The following DUSP11 variants were observed in gnomAD, a reference collection of about 807,000 sequenced individuals.
DUSP11 encodes the protein dual specificity phosphatase 11.
A neutral mutation model predicts 41.4 loss-of-function variants in DUSP11; 27 were observed. That is an observed-to-expected ratio of 0.65 (90% confidence interval 0.48 to 0.90). The LOEUF (loss-of-function observed/expected upper bound fraction) is 0.90, where lower values mean the gene tolerates loss of function less well. Ranked by LOEUF, DUSP11 falls within the 40% of genes least tolerant of loss-of-function variation. DUSP11 has a pLI of 0.00. For missense variants in DUSP11, 465 were observed against 461.1 expected, an observed-to-expected ratio of 1.01 and a Z score of -0.08; for synonymous variants, 188 against 159.3, an observed-to-expected ratio of 1.18 and a Z score of -1.35.
chr2:73,780,129 T>C, exon 1 of DUSP11: 1 of 1,553,346 alleles, frequency 6.4e-7, no homozygotes, highest in Non-Finnish European at 8.7e-7. Flanking sequence ...CCACCGCCGG[T>C]CGTGATGGCG....
intron 1 of DUSP11, 91 bp from the exon 2 acceptor site, chr2:73,778,467 G>A (rs552263243): frequency 9.5e-5 from 70 of 736,062 alleles, no homozygotes; most frequent in Non-Finnish European, 1.2e-4. Flanking sequence ...ATCATAGCCC[G>A]CACAACATGT....
rs764228508 is a variant in DUSP11 at position 73,780,030 on chromosome 2, G to A, written c.86C>T (p.Ala29Val). The A allele has an allele frequency of 1.2e-4, 194 of 1,613,874 alleles. 1 individual carries two copies. The highest frequency in any genetic ancestry group is 1.5e-4 in the Non-Finnish European group (173 of 1,179,954). ...CAAGTCGGCCAAAAGCGCCAGTCCGGCGCCCTCAATGCCAGGATAAGACCC... is the reference window on the plus strand; with the variant it reads ...CAAGTCGGCCAAAAGCGCCAGTCCGACGCCCTCAATGCCAGGATAAGACCC... Residue 29 changes from alanine to valine, a missense_variant, in exon 1 of 9, where the codon GCC becomes GTC. Transcript: ENST00000272444.
chr2:73,766,684 T>A, intron 7 of DUSP11, 90 bp from the exon 8 acceptor site: 1 of 1,433,402 alleles, frequency 7.0e-7, no homozygotes, highest in South Asian at 1.3e-5. Flanking sequence ...AAAATAACAA[T>A]TTCTTCCTTC....
intron 2 of DUSP11, 94 bp downstream of exon 2, chr2:73,778,207 T>TA (rs533914328): frequency 3.7e-6 from 3 of 815,296 alleles, no homozygotes; most frequent in Non-Finnish European, 3.8e-6. Context: ...GTATTTGCTA[T>TA]AAAAAGAGAA....
intron 2 of DUSP11, among the ~76,000 whole-genome samples, chr2:73,777,926 A>C (rs1573186279): frequency 6.6e-6 from 1 of 151,950 alleles, no homozygotes; most frequent in Non-Finnish European, 1.5e-5. Context: ...TATTACAGAA[A>C]CTCCTACCAC....
At chr2:73,777,144 T>C (rs1238195956) in intron 2 of DUSP11, among the ~76,000 whole-genome samples, 1 of 151,956 alleles carries the variant, frequency 6.6e-6, no homozygotes, top group Admixed American at 6.6e-5. Flanking sequence ...CCGCGCCTGG[T>C]TAATTTTTGT....
intron 4 of DUSP11, chr2:73,773,478 T>G (rs925235610): frequency 2.6e-6 from 1 of 381,136 alleles, no homozygotes; most frequent in African/African-American, 2.2e-5. Context: ...TTTTTTAATC[T>G]TTTCTTCTAC....
chr2:73,767,223 A>G lies in DUSP11; in HGVS notation c.636-16T>C. On this transcript the variant is annotated splice_polypyrimidine_tract_variant and intron_variant, in intron 5 of 8. Coordinates refer to ENST00000272444, the Ensembl canonical transcript of DUSP11. ...AATCAAATATCTAACAAAACAACATAATTTGGGTCATTTATATACGAAAAG... is the reference window on the plus strand; with the variant it reads ...AATCAAATATCTAACAAAACAACATGATTTGGGTCATTTATATACGAAAAG... 1 of 1,605,734 alleles carries G rather than the reference A, an allele frequency of 6.2e-7. No individual in the cohort carries two copies.
At chr2:73,769,952 CT>C (rs1672539778) in intron 4 of DUSP11, among the ~76,000 whole-genome samples, 1 of 152,124 alleles carries the variant, frequency 6.6e-6, no homozygotes. Flanking sequence ...CTTAGTCCAT[CT>C]TTTTAAAAAA....
At position 73,780,047 on chromosome 2, in the gene DUSP11, A is replaced by C. The variant is rs562414734; in HGVS notation, c.69T>G (p.Tyr23Ter). ...CCAGTCCGGCGCCCTCAATGCCAGGATAAGACCCTAAACAGGAAAAGACTC... is the reference window on the plus strand; with the variant it reads ...CCAGTCCGGCGCCCTCAATGCCAGGCTAAGACCCTAAACAGGAAAAGACTC... Residue 23 changes from tyrosine (Y) to a stop codon, truncating the protein, a stop_gained, in exon 1 of 9, where the codon TAT (tyrosine) becomes TAG (stop). Transcript: ENST00000272444. LOFTEE classifies it high-confidence loss of function. 17 of 1,612,452 alleles carry C rather than the reference A, an allele frequency of 1.1e-5. No homozygotes were observed.
chr2:73,772,399 A>G (rs1415572275), intron 4 of DUSP11, among the ~76,000 whole-genome samples: 2 of 152,222 alleles, frequency 1.3e-5, no homozygotes, highest in African/African-American at 4.8e-5. Flanking sequence ...CAAGGTCCCA[A>G]GCCTGCTATG....
chr2:73,766,874 C>G, exon 7 of DUSP11: 1 of 1,613,502 alleles, frequency 6.2e-7, no homozygotes, highest in Non-Finnish European at 8.5e-7. Flanking sequence ...TTTTGTCTTT[C>G]TAAGCAATGT....
At chr2:73,775,455 T>C (rs931178291) in intron 2 of DUSP11, among the ~76,000 whole-genome samples, 6 of 148,882 alleles carry the variant, frequency 4.0e-5, no homozygotes, top group African/African-American at 1.5e-4. Context: ...CATGGCTCAC[T>C]GCAGCCTCCA....
chr2:73,776,701 G>A (rs954287833), intron 2 of DUSP11, among the ~76,000 whole-genome samples: 1 of 152,142 alleles, frequency 6.6e-6, no homozygotes, highest in Non-Finnish European at 1.5e-5. Context: ...AAAAAAATGA[G>A]AGAAAGAACT....
intron 8 of DUSP11, 49 bp downstream of exon 8, chr2:73,766,369 G>C (rs1013674926): frequency 4.1e-6 from 6 of 1,461,160 alleles, no homozygotes; most frequent in Non-Finnish European, 5.6e-6. Context: ...ATTAACTATA[G>C]TATTAATTTC....
At position 73,775,863 on chromosome 2, in the gene DUSP11, TTAAAAAAAAAAAA is replaced by T. The variant is rs1321812530; in HGVS notation, c.319-832_319-820del. The stretch of plus-strand genomic sequence containing the variant: ...AGTGACTCCATCTCAAAAAAAAAAT[TTAAAAAAAAAAAA>T]AAAAAAAAAAAAGAGATAGGGTCTT... On this transcript the variant is annotated intron_variant, in intron 2 of 8. Transcript: ENST00000272444. 1.9e-3 allele frequency among the ~76,000 whole-genome samples: 192 copies of T among 101,502 alleles called. 6 individuals are homozygous for T. The highest frequency in any genetic ancestry group is 3.9e-4 in the Non-Finnish European group (22 of 56,696). The allele number at this position is 101,502 out of a possible 152,430, so 66.6% of individuals were successfully genotyped here.
chr2:73,769,000 A>G (rs1672524323), intron 5 of DUSP11: 1 of 341,294 alleles, frequency 2.9e-6, no homozygotes, highest in Non-Finnish European at 5.2e-6. Context: ...AGTATTTTCA[A>G]AGAAAGATGT....
chr2:73,766,003 A>G (rs191355097), intron 8 of DUSP11, among the ~76,000 whole-genome samples: 3 of 152,326 alleles, frequency 2.0e-5, no homozygotes, highest in Admixed American at 6.5e-5. Flanking sequence ...TCCTGGTTCA[A>G]ACTGAACAGC....
At chr2:73,778,348 G>T in exon 2 of DUSP11, 1 of 1,549,900 alleles carries the variant, frequency 6.5e-7, no homozygotes. Flanking sequence ...CCAGGCATCC[G>T]CTGTCCAACT....
Sources: gnomAD v4.1 joint callset for allele counts (sites outside exome capture counted in the v4.1 genomes callset) on GRCh38, gnomAD v4.1.1 for gene constraint, MANE v1.5 for transcripts, NCBI Gene and HGNC (gene_info 2026-07-23, HGNC 2026-07-21) for gene names.